STX1A: variants seen among roughly 807,000 people sequenced by gnomAD.
STX1A encodes syntaxin-1A.
A neutral mutation model predicts 37.8 loss-of-function variants in STX1A; 4 were observed. The observed-to-expected ratio is 0.11, with a 90% CI of 0.05 to 0.24. The LOEUF (loss-of-function observed/expected upper bound fraction) is 0.24, where lower values mean the gene tolerates loss of function less well. STX1A is among the 10% of genes least tolerant of loss of function. STX1A has a pLI of 1.00. For synonymous variants in STX1A, 135 were observed against 147.4 expected (o/e 0.92, Z 0.61); for missense variants, 251 against 399.9 (o/e 0.63, Z 3.18).
chr7:73,707,305 C>T (rs185256463), intron 3 of STX1A, among the ~76,000 whole-genome samples: 31 of 152,290 alleles, frequency 2.0e-4, no homozygotes, highest in Non-Finnish European at 3.2e-4. Context: ...AGAGTGCGAG[C>T]CTGACACACA....
Position 73,702,879 on chromosome 7 carries a change from A to G in STX1A, c.644T>C (p.Met215Thr). 6.2e-7 allele frequency: 1 copy of G among 1,613,860 alleles called. No homozygotes were observed. Among genetic ancestry groups the G allele is most frequent in the Non-Finnish European group, 8.5e-7 (1 of 1,179,990 alleles). Reference sequence around the variant, plus strand: ...CACGAGCATGGCCATGTCCATGAACATGTCGTGTAGCTCACGGATGCTGTT... The same window carrying G: ...CACGAGCATGGCCATGTCCATGAACGTGTCGTGTAGCTCACGGATGCTGTT... ...LENSIRELHDMFMDMAMLVES... is the reference protein window; with the variant it reads ...LENSIRELHDTFMDMAMLVES... The change falls in exon 8 of 10, where the codon ATG (methionine) becomes ACG (threonine). Residue 215 changes from methionine to threonine, a missense_variant. Met to Thr is a moderately conservative substitution (Grantham distance 81, BLOSUM62 -1). Transcript: ENST00000222812. The surrounding 1 kb of genome is among the most constrained non-coding windows in gnomAD (Gnocchi z 4.7).
At chr7:73,704,118 G>GGC in intron 6 of STX1A, 30 bp downstream of exon 6, 61 of 1,548,272 alleles carry the variant, frequency 3.9e-5, no homozygotes, top group Non-Finnish European at 5.1e-5. Context: ...CAGGCTCCAG[G>GGC]CCCCGCCCCA....
At chr7:73,712,194 A>G (rs1799127616) in intron 1 of STX1A, among the ~76,000 whole-genome samples, 1 of 152,200 alleles carries the variant, frequency 6.6e-6, no homozygotes, top group East Asian at 1.9e-4. Context: ...CACAGCTCCA[A>G]GCAAAACCTA....
chr7:73,709,473 T>TA lies in STX1A; in HGVS notation c.31-352dup, dbSNP rs531803665. 3.1e-3 allele frequency among the ~76,000 whole-genome samples: 479 copies of TA among 152,218 alleles called. 4 individuals carry two copies. Among genetic ancestry groups the TA allele is most frequent in the Non-Finnish European group, 1.9e-3 (131 of 67,986 alleles). On this transcript the variant is annotated intron_variant, in intron 1 of 9. Coordinates refer to ENST00000222812, the MANE Select transcript of STX1A (RefSeq NM_004603.4). The surrounding 1 kb of genome is among the most constrained non-coding windows in gnomAD (Gnocchi z 4.2). ...CTCTGTCTGGGCCCTCTGGGTCCCC[T>TA]AGGCCCCTAGGACAGCTGCCTGGAA...
intron 1 of STX1A, among the ~76,000 whole-genome samples, chr7:73,710,006 G>A (rs1356138751): frequency 1.3e-5 from 2 of 152,076 alleles, no homozygotes; most frequent in African/African-American, 2.4e-5. Context: ...CACTGGGATT[G>A]TAGGTGTGAG....
chr7:73,712,267 T>G (rs782701092), intron 1 of STX1A, among the ~76,000 whole-genome samples: 1 of 151,708 alleles, frequency 6.6e-6, no homozygotes, highest in Non-Finnish European at 1.5e-5. Flanking sequence ...TCTTGGGAAT[T>G]TTCACCCCCA....
chr7:73,706,473 C>G lies in STX1A; in HGVS notation c.209-1249G>C, dbSNP rs1029179397. ...GAGACTTCTCCTTAACTCTGTGCCG[C>G]CTGTGCCCTAGAACCCCCAACATGA... On this transcript the variant is annotated intron_variant, in intron 3 of 9. Coordinates refer to ENST00000222812, the MANE Select transcript of STX1A (RefSeq NM_004603.4). The surrounding 1 kb of genome is among the most constrained non-coding windows in gnomAD (Gnocchi z 4.6). 6.6e-5 allele frequency among the ~76,000 whole-genome samples: 10 copies of G among 152,120 alleles called. No homozygotes were observed. The highest frequency in any genetic ancestry group is 1.2e-4 in the Non-Finnish European group (8 of 68,026).
chr7:73,700,034 G>C lies in STX1A; in HGVS notation c.*373C>G, dbSNP rs1336996748. On this transcript the variant is annotated 3_prime_UTR_variant, in exon 10 of 10. Coordinates refer to ENST00000222812, the MANE Select transcript of STX1A (RefSeq NM_004603.4). This position sits in a 1 kb window ranked among gnomAD's most constrained non-coding sequence, Gnocchi z 4.4. ...GGGGACAGCTGGAGAGGACAGGGCA[G>C]GTCAGCTGGAGGCGAGGTTAGGGTC... 1 of 344,490 alleles carries C rather than the reference G, an allele frequency of 2.9e-6. No homozygotes were observed. The highest frequency in any genetic ancestry group is 5.6e-6 in the Non-Finnish European group (1 of 179,776). The allele number at this position is 344,490 out of a possible 1,614,324, so 21.3% of individuals were successfully genotyped here. A position where few individuals can be genotyped will look rare whatever the true frequency, so the allele number is the denominator to read the frequency against.
In STX1A at chr7:73,700,956, G is replaced by C. The variant is rs781787613; in HGVS notation, c.679-116C>G. The C allele has an allele frequency of 2.6e-6, 4 of 1,538,100 alleles. No homozygotes were observed. Among genetic ancestry groups the C allele is most frequent in the Non-Finnish European group, 3.5e-6 (4 of 1,146,882 alleles). ...GCTAGAGACAAAAAGGGGGCGTGAG[G>C]AGGTTAGGGTACAGCTTCTCACCTG... On this transcript the variant is annotated intron_variant, in intron 8 of 9. Coordinates refer to ENST00000222812, the MANE Select transcript of STX1A (RefSeq NM_004603.4). The surrounding 1 kb of genome is among the most constrained non-coding windows in gnomAD (Gnocchi z 4.4).
At chr7:73,703,478 G>A (rs782193577) in intron 7 of STX1A, 1 of 666,502 alleles carries the variant, frequency 1.5e-6, no homozygotes. Context: ...CTCCAGGAGA[G>A]GAAAAGGGCC....
chr7:73,701,072 G>C (rs1013140601), intron 8 of STX1A: 2 of 755,952 alleles, frequency 2.6e-6, no homozygotes, highest in South Asian at 3.6e-5. Context: ...CCTGGGGGTG[G>C]AGCTGGCCAT....
At chr7:73,718,507 C>T (rs1243567730) in intron 1 of STX1A, among the ~76,000 whole-genome samples, 2 of 152,062 alleles carry the variant, frequency 1.3e-5, no homozygotes, top group African/African-American at 4.8e-5. Context: ...GCCCAGGGAG[C>T]GGGGTGGGGG....
At position 73,717,046 on chromosome 7, in the gene STX1A, A is replaced by AGCTGGAGAAC. The variant is rs1554618794; in HGVS notation, c.30+2555_30+2556insGTTCTCCAGC. Among the ~76,000 whole-genome samples, 1 of 152,076 alleles carries AGCTGGAGAAC rather than the reference A, an allele frequency of 6.6e-6. No individual in the cohort carries two copies. Among genetic ancestry groups the AGCTGGAGAAC allele is most frequent in the African/African-American group, 2.4e-5 (1 of 41,394 alleles). On this transcript the variant is annotated intron_variant, in intron 1 of 9. Coordinates refer to ENST00000222812, the MANE Select transcript of STX1A (RefSeq NM_004603.4). The surrounding 1 kb of genome is among the most constrained non-coding windows in gnomAD (Gnocchi z 4.1). ...CCCCATCTGCAGAGGGAGAGTTGGG[A>AGCTGGAGAAC]GCTGGAGAAGGCTGGAGAAGGCTGG... is the stretch of plus-strand genomic sequence containing the variant.
chr7:73,703,755 C>T lies in STX1A; in HGVS notation c.540G>A (p.Gly180=). The change falls in exon 7 of 10, where the codon GGG becomes GGA. Residue 180 remains glycine, a splice_region_variant and synonymous_variant. Coordinates refer to ENST00000222812, the MANE Select transcript of STX1A (RefSeq NM_004603.4). ...CAGGAGGGATGGGGCCTACACTCAC[C>T]CCAGAGGCAAAGATGGCGGGGTTCC... is the stretch of plus-strand genomic sequence containing the variant. ...ESGNPAIFAS[G]IIMDSSISKQ... 2 of 1,613,416 alleles carry T rather than the reference C, an allele frequency of 1.2e-6. No homozygotes were observed. Among genetic ancestry groups the T allele is most frequent in the South Asian group, 1.1e-5 (1 of 91,008 alleles).
intron 2 of STX1A, 89 bp downstream of exon 2, chr7:73,708,956 G>A (rs936333035): frequency 2.1e-6 from 3 of 1,421,160 alleles, no homozygotes; most frequent in African/African-American, 2.8e-5. Context: ...AGGTGCAGGT[G>A]TGAAAGAGCA....
chr7:73,713,591 G>A (rs189233089), intron 1 of STX1A, among the ~76,000 whole-genome samples: 9 of 152,336 alleles, frequency 5.9e-5, no homozygotes, highest in Admixed American at 1.3e-4. Flanking sequence ...TTAGCTGGGC[G>A]TGGTGCCATG....
In STX1A at chr7:73,705,894, G is replaced by C. The variant is rs1410143745; in HGVS notation, c.209-670C>G. 2.0e-5 allele frequency: 3 copies of C among 152,998 alleles called. No individual in the cohort carries two copies. Among genetic ancestry groups the C allele is most frequent in the Non-Finnish European group, 4.4e-5 (3 of 68,704 alleles). 9.5% of individuals were successfully genotyped at this position (152,998 alleles called of 1,614,324 possible). A position where few individuals can be genotyped will look rare whatever the true frequency, so the allele number is the denominator to read the frequency against. On this transcript the variant is annotated intron_variant, in intron 3 of 9. Transcript: ENST00000222812. This position sits in a 1 kb window ranked among gnomAD's most constrained non-coding sequence, Gnocchi z 5.2. Reference sequence around the variant, plus strand: ...TGGGGCCCTGGTGAAATTGGACGAGGGTGGTGACATAGTGTTTTGTGGCCC... The same window carrying C: ...TGGGGCCCTGGTGAAATTGGACGAGCGTGGTGACATAGTGTTTTGTGGCCC...
rs192036629 is a variant in STX1A at position 73,702,600 on chromosome 7, C to G, written c.678+245G>C. Reference sequence around the variant, plus strand: ...GAAACAGTAGTAGGGGAATGAGAGACGGCGGGGTATAGAGGGTGGGGCCAT... The same window carrying G: ...GAAACAGTAGTAGGGGAATGAGAGAGGGCGGGGTATAGAGGGTGGGGCCAT... On this transcript the variant is annotated intron_variant, in intron 8 of 9. Coordinates refer to ENST00000222812, the MANE Select transcript of STX1A (RefSeq NM_004603.4). This position sits in a 1 kb window ranked among gnomAD's most constrained non-coding sequence, Gnocchi z 4.7. 2.5e-5 allele frequency: 31 copies of G among 1,218,798 alleles called. No individual in the cohort carries two copies. The highest frequency in any genetic ancestry group is 1.5e-5 in the African/African-American group (1 of 65,278). The allele number at this position is 1,218,798 out of a possible 1,614,324, so 75.5% of individuals were successfully genotyped here.
chr7:73,704,111 G>A (rs1554616398), intron 6 of STX1A, 37 bp downstream of exon 6: 1 of 1,549,760 alleles, frequency 6.5e-7, no homozygotes, highest in Non-Finnish European at 8.8e-7. Flanking sequence ...GCCCCTCCAG[G>A]CTCCAGGCCC....
Sources: gnomAD v4.1 joint callset for allele counts (sites outside exome capture counted in the v4.1 genomes callset) on GRCh38, gnomAD v4.1.1 for gene constraint, Gnocchi (gnomAD v3.1) non-coding constraint, MANE v1.5 for transcripts, NCBI Gene and HGNC (gene_info 2026-07-23, HGNC 2026-07-21) for gene names.